The following CWH43 variants were observed in gnomAD, a reference collection of about 807,000 sequenced individuals.
CWH43 encodes the protein PGAP2-interacting protein.
A neutral mutation model predicts 85.7 loss-of-function variants in CWH43; 91 were observed. The ratio of observed to expected loss-of-function variants is 1.06; its 90% CI spans 0.90 to 1.26. The LOEUF (loss-of-function observed/expected upper bound fraction) is 1.26. Ranked by LOEUF, CWH43 falls within the 50% of genes most tolerant of loss-of-function variation. The pLI, the probability that CWH43 is intolerant of heterozygous loss-of-function variation, is 0.00. For missense variants in CWH43, 869 were observed against 839.2 expected, an observed-to-expected ratio of 1.04 and a Z score of -0.44; for synonymous variants, 323 against 293.6, an observed-to-expected ratio of 1.10 and a Z score of -1.02.
At position 49,030,916 on chromosome 4, in the gene CWH43, T is replaced by A; in HGVS notation, c.1464T>A (p.Gly488=). Residue 488 remains glycine, a synonymous_variant, in exon 11 of 16, where the codon GGT becomes GGA. Coordinates refer to ENST00000226432, the MANE Select transcript of CWH43 (RefSeq NM_025087.3). ...CCATGTGGCTAGGGGAAAAGTTGGGTTTCTATACAGACTTTGGTCCAAGCA... is the reference window on the plus strand; with the variant it reads ...CCATGTGGCTAGGGGAAAAGTTGGGATTCTATACAGACTTTGGTCCAAGCA... The part of the protein sequence containing the change: ...DLTMWLGEKL[G]FYTDFGPSTR... The A allele has an allele frequency of 6.2e-7, 1 of 1,610,702 alleles. No individual in the cohort carries two copies. Among genetic ancestry groups the A allele is most frequent in the Non-Finnish European group, 8.5e-7 (1 of 1,178,626 alleles).
At position 49,003,873 on chromosome 4, in the gene CWH43, A is replaced by G; in HGVS notation, c.941A>G (p.Lys314Arg). 6.2e-7 allele frequency: 1 copy of G among 1,614,038 alleles called. No individual in the cohort carries two copies. Among genetic ancestry groups the G allele is most frequent in the African/African-American group, 1.3e-5 (1 of 75,036 alleles). ...ATTAACTCAGGGACAAACCCTGGGAAAACCATGACCATTGCCATGATATTT... is the reference window on the plus strand; with the variant it reads ...ATTAACTCAGGGACAAACCCTGGGAGAACCATGACCATTGCCATGATATTT... ...HLINSGTNPG[K>R]TMTIAMIFYL... Residue 314 changes from lysine (K) to arginine (R), a missense_variant, in exon 7 of 16, where the codon AAA (lysine) becomes AGA (arginine). Around this residue, in one of 3 missense-constraint regions of CWH43, gnomAD observed 577 missense variants for 513.1 expected, o/e 1.12. Transcript: ENST00000226432.
intron 9 of CWH43, among the ~76,000 whole-genome samples, chr4:49,021,999 C>T (rs145690241): frequency 6.6e-6 from 1 of 152,100 alleles, no homozygotes; most frequent in African/African-American, 2.4e-5. Flanking sequence ...CATCTGCAAA[C>T]AGCGACAATT....
At chr4:49,048,491 A>G (rs1263306158) in intron 14 of CWH43, among the ~76,000 whole-genome samples, 1 of 152,148 alleles carries the variant, frequency 6.6e-6, no homozygotes, top group Non-Finnish European at 1.5e-5. Flanking sequence ...GGTGGTCTAA[A>G]CAACAGAAAT....
chr4:49,003,797 G>A lies in CWH43; in HGVS notation c.865G>A (p.Val289Ile), dbSNP rs1783069130. The change falls in exon 7 of 16, where the codon GTC (valine) becomes ATC (isoleucine). Residue 289 changes from valine to isoleucine, a missense_variant. Physicochemically the swap from Val to Ile is conservative, Grantham distance 29. Around this residue, in one of 3 missense-constraint regions of CWH43, gnomAD observed 577 missense variants for 513.1 expected, o/e 1.12. Transcript: ENST00000226432. ...HTWAAAVSGC[V>I]FAIFTASMWP... Reference sequence around the variant, plus strand: ...ATGGGCAGCTGCTGTGTCTGGCTGTGTCTTCGCCATCTTTACTGCATCCAT... The same window carrying A: ...ATGGGCAGCTGCTGTGTCTGGCTGTATCTTCGCCATCTTTACTGCATCCAT... The A allele has an allele frequency of 1.2e-6, 2 of 1,614,010 alleles. No homozygotes were observed. The highest frequency in any genetic ancestry group is 1.7e-6 in the Non-Finnish European group (2 of 1,179,942).
intron 6 of CWH43, among the ~76,000 whole-genome samples, chr4:49,001,382 G>A (rs1209607635): frequency 6.6e-6 from 1 of 151,964 alleles, no homozygotes; most frequent in Non-Finnish European, 1.5e-5. Context: ...GTACAGATTT[G>A]GGGGAGATTA....
intron 7 of CWH43, among the ~76,000 whole-genome samples, chr4:49,004,682 A>G (rs1039165297): frequency 6.6e-6 from 1 of 152,176 alleles, no homozygotes; most frequent in African/African-American, 2.4e-5. Context: ...GAGCCACCAC[A>G]CCTAGACTCT....
intron 15 of CWH43, among the ~76,000 whole-genome samples, chr4:49,053,896 C>T (rs1784873882): frequency 6.6e-6 from 1 of 152,020 alleles, no homozygotes; most frequent in Non-Finnish European, 1.5e-5. Flanking sequence ...ACTTCTGGTC[C>T]CAGTGATTTT....
intron 13 of CWH43, among the ~76,000 whole-genome samples, chr4:49,040,506 T>C (rs1784425283): frequency 6.6e-6 from 1 of 152,064 alleles, no homozygotes; most frequent in African/African-American, 2.4e-5. Context: ...GTGATGAGCA[T>C]TTTTTCATGT....
intron 15 of CWH43, among the ~76,000 whole-genome samples, chr4:49,055,913 CTTTTTTTTT>C (rs71191286): frequency 1.4e-5 from 2 of 141,994 alleles, no homozygotes; most frequent in African/African-American, 5.2e-5. Context: ...TTCTTTTTTT[CTTTTTTTTT>C]TTTTTATTAT....
At chr4:49,018,304 C>T (rs1783625594) in intron 9 of CWH43, among the ~76,000 whole-genome samples, 1 of 152,140 alleles carries the variant, frequency 6.6e-6, no homozygotes, top group Middle Eastern at 3.4e-3. Context: ...ATCTGGTCAC[C>T]CCCAGGCCCC....
intron 13 of CWH43, among the ~76,000 whole-genome samples, chr4:49,041,538 C>T (rs1358474081): frequency 6.6e-6 from 1 of 152,106 alleles, no homozygotes. Context: ...TGATTTGGCT[C>T]TCTGTTTGTC....
rs371085896 is a variant in CWH43, at chr4:49,017,293, C to A, written c.1231C>A (p.Arg411=). 1 of 1,612,030 alleles carries A rather than the reference C, an allele frequency of 6.2e-7. No individual in the cohort carries two copies. The highest frequency in any genetic ancestry group is 2.2e-5 in the East Asian group (1 of 44,838). The change falls in exon 9 of 16, where the codon CGG becomes AGG. Residue 411 remains arginine, a synonymous_variant. Transcript: ENST00000226432. Reference sequence around the variant, plus strand: ...TGTGGGATTGTTGGGATTAGGACTACGGCATAAAGCCTATGAGAGAAAACT... The same window carrying A: ...TGTGGGATTGTTGGGATTAGGACTAAGGCATAAAGCCTATGAGAGAAAACT... The part of the protein sequence containing the change: ...VGVGLLGLGL[R]HKAYERKLGK...
At chr4:49,012,182 T>C (rs1221418783) in intron 8 of CWH43, among the ~76,000 whole-genome samples, 1 of 152,218 alleles carries the variant, frequency 6.6e-6, no homozygotes, top group African/African-American at 2.4e-5. Flanking sequence ...CTTTTCACTC[T>C]TTTTTCTCTA....
chr4:49,028,182 G>A (rs1783978497), intron 9 of CWH43, among the ~76,000 whole-genome samples: 1 of 151,838 alleles, frequency 6.6e-6, no homozygotes, highest in Admixed American at 6.6e-5. Context: ...TATGACATCT[G>A]ATGTATCTAT....
chr4:48,995,478 G>A (rs1023811566), intron 5 of CWH43, among the ~76,000 whole-genome samples: 3 of 152,176 alleles, frequency 2.0e-5, no homozygotes, highest in Admixed American at 6.5e-5. Context: ...ATTCTTAAAA[G>A]ATCTGCCTCC....
intron 9 of CWH43, among the ~76,000 whole-genome samples, chr4:49,025,749 G>A (rs975907106): frequency 2.0e-5 from 3 of 152,174 alleles, no homozygotes; most frequent in East Asian, 1.9e-4. Flanking sequence ...TGCTCCAGTC[G>A]AGGTAGCAGA....
At chr4:49,056,422 ATTTC>A (rs1202688597) in intron 15 of CWH43, among the ~76,000 whole-genome samples, 1 of 151,888 alleles carries the variant, frequency 6.6e-6, no homozygotes, top group Non-Finnish European at 1.5e-5. Flanking sequence ...GAACTGGTCC[ATTTC>A]TTTCTTTTAG....
intron 9 of CWH43, among the ~76,000 whole-genome samples, chr4:49,017,592 A>G (rs1204313934): frequency 2.0e-5 from 3 of 152,304 alleles, no homozygotes; most frequent in Admixed American, 1.3e-4. Flanking sequence ...ATGATTTAAC[A>G]TATCTGAACT....
At chr4:49,017,367 T>C in intron 9 of CWH43, 39 bp downstream of exon 9, 3 of 1,345,254 alleles carry the variant, frequency 2.2e-6, no homozygotes, top group Non-Finnish European at 2.1e-6. Flanking sequence ...TTTTATATGG[T>C]ATATATATGT....
Sources: allele counts gnomAD v4.1 joint callset (sites outside exome capture counted in the v4.1 genomes callset), GRCh38; gene constraint gnomAD v4.1.1; regional missense constraint gnomAD v4.1.1; transcripts MANE v1.5; gene names NCBI Gene and HGNC (gene_info 2026-07-23, HGNC 2026-07-21).